Variants in NFATC2 observed in about 807,000 individuals in gnomAD.
NFATC2 encodes nuclear factor of activated T-cells, cytoplasmic 2.
NFATC2 carries 22 observed loss-of-function variants against 87.3 expected under a neutral mutation model. That is an observed-to-expected ratio of 0.25 (90% confidence interval 0.18 to 0.36). NFATC2 has a LOEUF of 0.36. NFATC2 is among the 10% of genes least tolerant of loss of function. The pLI is 1.00. For synonymous variants in NFATC2, 565 were observed against 542.2 expected (o/e 1.04, Z -0.58); for missense variants, 1,149 against 1,259.1 (o/e 0.91, Z 1.32).
intron 3 of NFATC2, among the ~76,000 whole-genome samples, chr20:51,484,742 T>C (rs757053744): frequency 2.0e-5 from 3 of 152,136 alleles, no homozygotes; most frequent in African/African-American, 4.8e-5. Context: ...ACTCAGCTGG[T>C]TGGACAACTG....
chr20:51,548,137 C>A (rs2146824717), intron 1 of NFATC2, among the ~76,000 whole-genome samples: 1 of 152,272 alleles, frequency 6.6e-6, no homozygotes, highest in African/African-American at 2.4e-5. Context: ...TTCTCTTACT[C>A]CCTCTGCCAC....
intron 1 of NFATC2, among the ~76,000 whole-genome samples, chr20:51,558,396 A>G (rs2076995569): frequency 6.6e-6 from 1 of 152,050 alleles, no homozygotes; most frequent in African/African-American, 2.4e-5. Context: ...AGTATAAATA[A>G]TCAGTCATTT....
intron 1 of NFATC2, among the ~76,000 whole-genome samples, chr20:51,558,803 C>T (rs201291088): frequency 2.0e-5 from 3 of 152,234 alleles, no homozygotes; most frequent in East Asian, 3.9e-4. Flanking sequence ...TAATATCACT[C>T]ATAACATGGG....
At position 51,475,583 on chromosome 20, in the gene NFATC2, C is replaced by T. The variant is rs201934996; in HGVS notation, c.1410G>A (p.Pro470=). 29 of 1,613,974 alleles carry T rather than the reference C, an allele frequency of 1.8e-5. No homozygotes were observed. Among genetic ancestry groups the T allele is most frequent in the South Asian group, 6.6e-5 (6 of 91,078 alleles). Residue 470 remains proline (P), a synonymous_variant, in exon 4 of 11, where the codon CCG becomes CCA. Coordinates refer to ENST00000371564, the MANE Select transcript of NFATC2 (RefSeq NM_012340.5). ...TTCGGTGCACCTGGTAGAAGGCGTG[C>T]GGCTTAAGGATCCGCTCATCAGCTG... The part of the protein sequence containing the change: ...IGTADERILK[P]HAFYQVHRIT...
chr20:51,400,167 A>G (rs962943715), intron 9 of NFATC2, among the ~76,000 whole-genome samples: 1 of 151,638 alleles, frequency 6.6e-6, no homozygotes, highest in Non-Finnish European at 1.5e-5. Context: ...CCCCGGCCCT[A>G]CAGCAAGGTG....
intron 9 of NFATC2, chr20:51,398,959 ATGTGGGG>A (rs1347678830): frequency 1.0e-5 from 5 of 477,212 alleles, no homozygotes; most frequent in Admixed American, 6.8e-5. Context: ...GCATTACATT[ATGTGGGG>A]TGTGGGATCA....
intron 9 of NFATC2, among the ~76,000 whole-genome samples, chr20:51,409,924 A>T (rs1439365837): frequency 6.6e-6 from 1 of 152,238 alleles, no homozygotes; most frequent in Non-Finnish European, 1.5e-5. Context: ...AACAAAAAGA[A>T]ATATGGCCGG....
intron 1 of NFATC2, among the ~76,000 whole-genome samples, chr20:51,540,978 T>C (rs1317058337): frequency 6.6e-6 from 1 of 152,134 alleles, no homozygotes; most frequent in Non-Finnish European, 1.5e-5. Flanking sequence ...AAAGATGTCC[T>C]CCAGATTGCA....
intron 1 of NFATC2, among the ~76,000 whole-genome samples, chr20:51,561,448 A>AAAG (rs2077025728): frequency 9.7e-5 from 10 of 103,042 alleles, no homozygotes; most frequent in African/African-American, 3.8e-4. Flanking sequence ...AGAAAGAAAG[A>AAAG]AAGAAAGAAA....
At position 51,523,378 on chromosome 20, in the gene NFATC2, T is replaced by TGGTCCTGGGGTGCCAC; in HGVS notation, c.847_862dup (p.His288ArgfsTer46). ...AGGGGGGTACCCAGCCGGGGAGCCG[T>TGGTCCTGGGGTGCCAC]GGTCCTGGGGTGCCACGTGAGATGA... On this transcript the variant is annotated frameshift_variant, in exon 2 of 11. Coordinates refer to ENST00000371564, the MANE Select transcript of NFATC2 (RefSeq NM_012340.5). LOFTEE classifies it high-confidence loss of function. The surrounding 1 kb of genome is among the most constrained non-coding windows in gnomAD (Gnocchi z 6.9). The TGGTCCTGGGGTGCCAC allele has an allele frequency of 6.2e-7, 1 of 1,611,072 alleles. No homozygotes were observed. Among genetic ancestry groups the TGGTCCTGGGGTGCCAC allele is most frequent in the Non-Finnish European group, 8.5e-7 (1 of 1,178,596 alleles).
rs557600223 is a variant in NFATC2, at chr20:51,388,458, T to A, written c.*3038A>T. 6.6e-6 allele frequency: 1 copy of A among 152,250 alleles called. No individual in the cohort carries two copies. Among genetic ancestry groups the A allele is most frequent in the Non-Finnish European group, 1.5e-5 (1 of 68,030 alleles). 9.4% of individuals were successfully genotyped at this position (152,250 alleles called of 1,614,324 possible). A position where few individuals can be genotyped will look rare whatever the true frequency, so the allele number is the denominator to read the frequency against. On this transcript the variant is annotated 3_prime_UTR_variant, in exon 11 of 11. Transcript: ENST00000371564. ...GGGGTTTTATTATATGGGTTTTTGT[T>A]TCCTGGAATGAGTAACAAATGTTTC...
intron 5 of NFATC2, among the ~76,000 whole-genome samples, chr20:51,469,803 C>T (rs75949988): frequency 2.9e-4 from 44 of 152,278 alleles, no homozygotes; most frequent in African/African-American, 9.9e-4. Flanking sequence ...GGGATGGCAC[C>T]GGCGGTTTCT....
In NFATC2 at chr20:51,432,434, C is replaced by A. The variant is rs781356845; in HGVS notation, c.2355G>T (p.Leu785=). 1 of 1,579,992 alleles carries A rather than the reference C, an allele frequency of 6.3e-7. No homozygotes were observed. The highest frequency in any genetic ancestry group is 1.2e-5 in the South Asian group (1 of 86,382). ...TCTGGCCCTGGGAGCCGGCGTGCAC[C>A]AGCACAGAGCGGTGAGCGTCCGCAA... ...LSLADAHRSV[L]VHAGSQGQSS... The change falls in exon 9 of 11, where the codon CTG becomes CTT. Residue 785 remains leucine (L), a synonymous_variant. Coordinates refer to ENST00000371564, the MANE Select transcript of NFATC2 (RefSeq NM_012340.5). The surrounding 1 kb of genome is among the most constrained non-coding windows in gnomAD (Gnocchi z 4.6).
intron 5 of NFATC2, among the ~76,000 whole-genome samples, chr20:51,473,090 T>G (rs1988385061): frequency 6.6e-6 from 1 of 152,234 alleles, no homozygotes; most frequent in East Asian, 1.9e-4. Flanking sequence ...CTTTTTGTTT[T>G]GAAACCTGGT....
chr20:51,539,128 G>A (rs1050602387), intron 1 of NFATC2, among the ~76,000 whole-genome samples: 8 of 152,124 alleles, frequency 5.3e-5, no homozygotes, highest in Non-Finnish European at 8.8e-5. Flanking sequence ...GCTAATGAAC[G>A]TCTGCTACAT....
chr20:51,532,166 A>T (rs2076643920), intron 1 of NFATC2, among the ~76,000 whole-genome samples: 1 of 152,146 alleles, frequency 6.6e-6, no homozygotes, highest in Non-Finnish European at 1.5e-5. Context: ...GTATGTTCAT[A>T]TTTGTCTCAC....
chr20:51,521,288 G>C (rs889947615), intron 2 of NFATC2, among the ~76,000 whole-genome samples: 2 of 152,172 alleles, frequency 1.3e-5, no homozygotes, highest in African/African-American at 4.8e-5. Flanking sequence ...AATCAAAAGA[G>C]CTCTACCTTT....
At chr20:51,541,885 C>T (rs978204982) in intron 1 of NFATC2, among the ~76,000 whole-genome samples, 2 of 152,200 alleles carry the variant, frequency 1.3e-5, no homozygotes, top group East Asian at 3.8e-4. Context: ...ACTTCAGTGC[C>T]TGGAGGGAAG....
intron 5 of NFATC2, among the ~76,000 whole-genome samples, chr20:51,471,921 C>A (rs1186192557): frequency 6.6e-6 from 1 of 152,172 alleles, no homozygotes; most frequent in Non-Finnish European, 1.5e-5. Context: ...ACATGTTTAC[C>A]TGTGTAACAA....
Sources: gnomAD v4.1 joint callset for allele counts (sites outside exome capture counted in the v4.1 genomes callset) on GRCh38, gnomAD v4.1.1 for gene constraint, Gnocchi (gnomAD v3.1) non-coding constraint, MANE v1.5 for transcripts, NCBI Gene and HGNC (gene_info 2026-07-23, HGNC 2026-07-21) for gene names.